The following NDST4 variants were observed in gnomAD, a reference collection of about 807,000 sequenced individuals.
NDST4 encodes the protein N-heparan sulfate sulfotransferase 4.
Under a neutral mutation model 100.8 loss-of-function variants are expected in NDST4, and 63 were observed. That is an observed-to-expected ratio of 0.62 (90% CI 0.51 to 0.77). The LOEUF (loss-of-function observed/expected upper bound fraction) is 0.77. NDST4 is among the 30% of genes least tolerant of loss of function. The pLI, the probability that NDST4 is intolerant of heterozygous loss-of-function variation, is 0.00. For synonymous variants in NDST4, 377 were observed against 361.8 expected (o/e 1.04, Z -0.48); for missense variants, 943 against 1,018.4 (o/e 0.93, Z 1.01).
chr4:114,926,632 G>A (rs905071712), intron 6 of NDST4, among the ~76,000 whole-genome samples: 1 of 152,000 alleles, frequency 6.6e-6, no homozygotes, highest in Non-Finnish European at 1.5e-5. Context: ...TTGTATTGTA[G>A]AGAGGGCCAA....
At chr4:115,047,646 T>C (rs749925961) in intron 2 of NDST4, among the ~76,000 whole-genome samples, 9 of 152,116 alleles carry the variant, frequency 5.9e-5, no homozygotes, top group Non-Finnish European at 1.2e-4. Flanking sequence ...ATAATGAGGA[T>C]GGCCTTTGAG....
chr4:115,087,341 T>C (rs1729427011), intron 1 of NDST4, among the ~76,000 whole-genome samples: 2 of 152,080 alleles, frequency 1.3e-5, no homozygotes, highest in African/African-American at 4.8e-5. Context: ...TGACATCCAT[T>C]CAGCAAATAT....
At chr4:115,109,110 T>C (rs975163643) in intron 1 of NDST4, among the ~76,000 whole-genome samples, 1 of 130,438 alleles carries the variant, frequency 7.7e-6, no homozygotes, top group African/African-American at 2.9e-5. Flanking sequence ...GAGAAAAGAA[T>C]AAAGAAAAAG....
chr4:115,029,978 A>C (rs552097869), intron 2 of NDST4, among the ~76,000 whole-genome samples: 3 of 152,268 alleles, frequency 2.0e-5, no homozygotes, highest in African/African-American at 7.2e-5. Context: ...AAGTATGCTT[A>C]GTTAAATTAT....
intron 1 of NDST4, among the ~76,000 whole-genome samples, chr4:115,109,980 T>G (rs1442760076): frequency 3.3e-5 from 5 of 151,900 alleles, no homozygotes; most frequent in Non-Finnish European, 7.4e-5. Flanking sequence ...AAAAAAATAT[T>G]TTTGCCTTGA....
intron 2 of NDST4, among the ~76,000 whole-genome samples, chr4:115,034,336 T>C (rs1728187525): frequency 6.6e-6 from 1 of 152,060 alleles, no homozygotes; most frequent in Non-Finnish European, 1.5e-5. Flanking sequence ...TTCCACTTGC[T>C]GTAGGTATTA....
chr4:114,851,794 AT>A (rs1723681010), intron 8 of NDST4, among the ~76,000 whole-genome samples: 2 of 152,282 alleles, frequency 1.3e-5, no homozygotes, highest in African/African-American at 4.8e-5. Flanking sequence ...TTGTAATACA[AT>A]TTATATTCCT....
At chr4:114,890,232 C>T (rs529917078) in intron 6 of NDST4, among the ~76,000 whole-genome samples, 17 of 152,130 alleles carry the variant, frequency 1.1e-4, no homozygotes, top group Middle Eastern at 6.8e-3. Flanking sequence ...GTAGACTCCA[C>T]ATTTGTACCA....
intron 4 of NDST4, among the ~76,000 whole-genome samples, chr4:114,948,434 T>C (rs180915828): frequency 6.6e-6 from 1 of 152,192 alleles, no homozygotes; most frequent in Admixed American, 6.6e-5. Context: ...TTCCTATTAA[T>C]AAATGGTACC....
At chr4:115,028,382 G>A (rs968186461) in intron 2 of NDST4, among the ~76,000 whole-genome samples, 4 of 152,006 alleles carry the variant, frequency 2.6e-5, no homozygotes, top group South Asian at 2.1e-4. Context: ...ATGAATGCCC[G>A]GAAAGAAATA....
intron 6 of NDST4, among the ~76,000 whole-genome samples, chr4:114,929,113 C>CATCTATCCATCTATCT (rs1725455423): frequency 1.4e-4 from 17 of 117,486 alleles, no homozygotes; most frequent in Middle Eastern, 4.1e-3. Flanking sequence ...TCCATCCATC[C>CATCTATCCATCTATCT]ATCTATCTAT....
intron 6 of NDST4, among the ~76,000 whole-genome samples, chr4:114,904,481 C>T (rs1724909209): frequency 6.6e-6 from 1 of 151,798 alleles, no homozygotes; most frequent in Non-Finnish European, 1.5e-5. Context: ...TACATGTTCT[C>T]TTTATTTGCT....
intron 2 of NDST4, among the ~76,000 whole-genome samples, chr4:115,070,645 C>T (rs903817813): frequency 6.6e-6 from 1 of 151,862 alleles, no homozygotes; most frequent in South Asian, 2.1e-4. Context: ...ATTTTGATTG[C>T]CTTACAAAAG....
intron 2 of NDST4, among the ~76,000 whole-genome samples, chr4:115,035,035 A>G (rs1368826378): frequency 6.6e-6 from 1 of 152,114 alleles, no homozygotes; most frequent in African/African-American, 2.4e-5. Context: ...GTCTAATACC[A>G]ACTTTACATC....
intron 1 of NDST4, 143 bp downstream of exon 1, chr4:115,113,301 A>C (rs1435174383): frequency 1.3e-5 from 2 of 151,866 alleles, no homozygotes; most frequent in African/African-American, 4.8e-5. Flanking sequence ...AGGGAGATTG[A>C]ATTTGGTTTT....
At chr4:114,981,701 T>C (rs1389532814) in intron 2 of NDST4, among the ~76,000 whole-genome samples, 1 of 152,190 alleles carries the variant, frequency 6.6e-6, no homozygotes, top group African/African-American at 2.4e-5. Context: ...TAGTATACTA[T>C]TTATATTAAT....
intron 1 of NDST4, among the ~76,000 whole-genome samples, chr4:115,089,275 T>C (rs1729467615): frequency 6.6e-6 from 1 of 151,932 alleles, no homozygotes. Context: ...TCAGGGAAGA[T>C]TTGGAAGGAT....
intron 1 of NDST4, among the ~76,000 whole-genome samples, chr4:115,083,624 T>C (rs1317385997): frequency 6.6e-6 from 1 of 152,202 alleles, no homozygotes; most frequent in African/African-American, 2.4e-5. Context: ...TGAATTACAG[T>C]TCCCATAATC....
intron 2 of NDST4, among the ~76,000 whole-genome samples, chr4:115,035,470 T>C (rs1728213550): frequency 6.6e-6 from 1 of 151,968 alleles, no homozygotes; most frequent in African/African-American, 2.4e-5. Flanking sequence ...ACACTATGAA[T>C]GGCAGAGGTT....
Sources: gnomAD v4.1 joint callset for allele counts (sites outside exome capture counted in the v4.1 genomes callset) on GRCh38, gnomAD v4.1.1 for gene constraint, MANE v1.5 for transcripts, NCBI Gene and HGNC (gene_info 2026-07-23, HGNC 2026-07-21) for gene names.